PTCH2: variants seen among roughly 807,000 people sequenced by gnomAD.
PTCH2 encodes protein patched homolog 2.
A neutral mutation model predicts 117.9 loss-of-function variants in PTCH2; 96 were observed. That is an observed-to-expected ratio of 0.81 (90% CI 0.69 to 0.96). PTCH2 has a LOEUF of 0.96. PTCH2 is among the 50% of genes least tolerant of loss of function. PTCH2 has a pLI of 0.00. For synonymous variants in PTCH2, 615 were observed against 660.9 expected (o/e 0.93, Z 1.06); for missense variants, 1,379 against 1,562.5 (o/e 0.88, Z 1.98).
intron 2 of PTCH2, among the ~76,000 whole-genome samples, chr1:44,840,683 C>G (rs1210651383): frequency 6.6e-6 from 1 of 151,292 alleles, no homozygotes; most frequent in Non-Finnish European, 1.5e-5. Context: ...TAAACTCCAG[C>G]TTGGATGAGA....
Position 44,822,048 on chromosome 1 carries a change from G to A in PTCH2, c.*367C>T, listed in dbSNP as rs1304293808. 7.4e-6 allele frequency: 10 copies of A among 1,354,876 alleles called. No individual in the cohort carries two copies. The highest frequency in any genetic ancestry group is 1.4e-5 in the South Asian group (1 of 69,962). 83.9% of individuals were successfully genotyped at this position (1,354,876 alleles called of 1,614,324 possible). On this transcript the variant is annotated 3_prime_UTR_variant, in exon 22 of 22. Coordinates refer to ENST00000372192, the MANE Select transcript of PTCH2 (RefSeq NM_003738.5). ...TTTCATATAAATAATGGATGTGGTA[G>A]GAGGTGGGCAGGGATATGGAGAGCC... is the stretch of plus-strand genomic sequence containing the variant.
chr1:44,825,210 C>T (rs1653088315), intron 19 of PTCH2, among the ~76,000 whole-genome samples: 1 of 152,060 alleles, frequency 6.6e-6, no homozygotes, highest in African/African-American at 2.4e-5. Context: ...GGTCTCGGCT[C>T]ATGGCAACCT....
At chr1:44,833,679 G>A (rs1309160777) in intron 2 of PTCH2, among the ~76,000 whole-genome samples, 5 of 151,918 alleles carry the variant, frequency 3.3e-5, no homozygotes, top group East Asian at 1.9e-4. Flanking sequence ...TCACTGCAAC[G>A]TCTGTCTCCC....
chr1:44,836,510 C>A (rs1653693392), intron 2 of PTCH2, among the ~76,000 whole-genome samples: 1 of 152,128 alleles, frequency 6.6e-6, no homozygotes, highest in African/African-American at 2.4e-5. Flanking sequence ...GAGGTTGAGA[C>A]TAGCTTGGCC....
rs1652936245 is a variant in PTCH2, at chr1:44,822,182, A to G, written c.*233T>C. ...GGGGACAGGGCTGCACTGCAGCCCC[A>G]AGTGCCAGCTTTCACTCTCAAGTGA... On this transcript the variant is annotated 3_prime_UTR_variant, in exon 22 of 22. Coordinates refer to ENST00000372192, the MANE Select transcript of PTCH2 (RefSeq NM_003738.5). 1.4e-6 allele frequency: 2 copies of G among 1,434,470 alleles called. No individual in the cohort carries two copies. The highest frequency in any genetic ancestry group is 2.8e-5 in the Admixed American group (1 of 35,798). 88.9% of individuals were successfully genotyped at this position (1,434,470 alleles called of 1,614,324 possible). A position where few individuals can be genotyped will look rare whatever the true frequency, so the allele number is the denominator to read the frequency against.
At position 44,829,889 on chromosome 1, in the gene PTCH2, AC is replaced by A. The variant is rs1653354888; in HGVS notation, c.935+19del. The A allele has an allele frequency of 6.2e-7, 1 of 1,613,842 alleles. No individual in the cohort carries two copies. The highest frequency in any genetic ancestry group is 1.7e-5 in the Admixed American group (1 of 60,008). On this transcript the variant is annotated intron_variant, in intron 7 of 21. Coordinates refer to ENST00000372192, the MANE Select transcript of PTCH2 (RefSeq NM_003738.5). Reference sequence around the variant, plus strand: ...TCTCATGAACAGAGTCCCCTCACCAACTCCCAGAGGAGACCCTACCTCAGCA... The same window carrying A: ...TCTCATGAACAGAGTCCCCTCACCAATCCCAGAGGAGACCCTACCTCAGCA...
chr1:44,821,672 GTTC>G, downstream of PTCH2: 1 of 744,486 alleles, frequency 1.3e-6, no homozygotes, highest in Non-Finnish European at 1.6e-6. Flanking sequence ...ACACAGTGGG[GTTC>G]TTTTTTTTCT....
chr1:44,823,936 T>TCAAACAAACAAACAAACAAA lies in PTCH2; in HGVS notation c.3115-571_3115-552dup, dbSNP rs35297741. 1.3e-5 allele frequency among the ~76,000 whole-genome samples: 2 copies of TCAAACAAACAAACAAACAAA among 151,344 alleles called. No homozygotes were observed. The highest frequency in any genetic ancestry group is 4.9e-5 in the African/African-American group (2 of 41,022). ...CTGGGCGACAGAGTGAGACCCTGTT[T>TCAAACAAACAAACAAACAAA]CAAACAAACAAACAAACAAACAAAC... On this transcript the variant is annotated intron_variant, in intron 19 of 21. Coordinates refer to ENST00000372192, the MANE Select transcript of PTCH2 (RefSeq NM_003738.5). This position sits in a 1 kb window ranked among gnomAD's most constrained non-coding sequence, Gnocchi z 5.1.
At chr1:44,837,176 T>C (rs1653724890) in intron 2 of PTCH2, among the ~76,000 whole-genome samples, 1 of 152,156 alleles carries the variant, frequency 6.6e-6, no homozygotes, top group Non-Finnish European at 1.5e-5. Context: ...ATCAATCTTC[T>C]TTCTTCCTTC....
intron 2 of PTCH2, among the ~76,000 whole-genome samples, chr1:44,834,122 C>CCT (rs560568884): frequency 2.1e-5 from 3 of 141,014 alleles, no homozygotes; most frequent in East Asian, 2.1e-4. Flanking sequence ...AGTTCCTTCC[C>CCT]TTTTTTTTTT....
chr1:44,831,765 G>T lies in PTCH2; in HGVS notation c.558C>A (p.Leu186=). Residue 186 remains leucine, a synonymous_variant, in exon 5 of 22, where the codon CTC becomes CTA. Coordinates refer to ENST00000372192, the MANE Select transcript of PTCH2 (RefSeq NM_003738.5). The surrounding 1 kb of genome is among the most constrained non-coding windows in gnomAD (Gnocchi z 4.3). The part of the protein sequence containing the change: ...MIEKLFPCVI[L]TPLDCFWEGA... ...CCTCCCAGAAGCAGTCGAGGGGGGT[G>T]AGGATCACGCACGGAAACAGCTTCT... The T allele has an allele frequency of 6.3e-7, 1 of 1,591,156 alleles. No homozygotes were observed.
chr1:44,819,938 C>T (rs763942102), downstream of PTCH2: 7 of 153,502 alleles, frequency 4.6e-5, no homozygotes, highest in Admixed American at 1.9e-4. Flanking sequence ...AACTTTCTCT[C>T]CACGGAAATC....
chr1:44,831,774 G>A lies in PTCH2; in HGVS notation c.549C>T (p.Cys183=), dbSNP rs1270557422. The A allele has an allele frequency of 2.5e-6, 4 of 1,597,342 alleles. No homozygotes were observed. The highest frequency in any genetic ancestry group is 2.3e-5 in the East Asian group (1 of 43,894). Reference sequence around the variant, plus strand: ...AGCAGTCGAGGGGGGTGAGGATCACGCACGGAAACAGCTTCTCAATCATCT... The same window carrying A: ...AGCAGTCGAGGGGGGTGAGGATCACACACGGAAACAGCTTCTCAATCATCT... ...IERMIEKLFP[C]VILTPLDCFW... The change falls in exon 5 of 22, where the codon TGC becomes TGT. Residue 183 remains cysteine (C), a synonymous_variant. Transcript: ENST00000372192. The surrounding 1 kb of genome is among the most constrained non-coding windows in gnomAD (Gnocchi z 4.3).
chr1:44,842,177 C>G lies in PTCH2; in HGVS notation c.73-138G>C, dbSNP rs1653976069. On this transcript the variant is annotated intron_variant, in intron 1 of 21. Coordinates refer to ENST00000372192, the MANE Select transcript of PTCH2 (RefSeq NM_003738.5). The stretch of plus-strand genomic sequence containing the variant: ...GGGACAGGGAGCACCAACACAGACA[C>G]AGGCCCAGACTTGGAAGATGTAACA... 6.3e-6 allele frequency: 5 copies of G among 790,376 alleles called. No individual in the cohort carries two copies. The South Asian group carries it at 7.6e-5, about 12-fold the overall frequency. The allele number at this position is 790,376 out of a possible 1,614,324, so 49.0% of individuals were successfully genotyped here. A position where few individuals can be genotyped will look rare whatever the true frequency, so the allele number is the denominator to read the frequency against.
Position 44,828,992 on chromosome 1 carries a change from G to A in PTCH2, c.1454C>T (p.Thr485Ile). Reference protein sequence around the residue: ...AHAFTEALPGTPLQERMGECL... With the variant: ...AHAFTEALPGIPLQERMGECL... Reference sequence around the variant, plus strand: ...GGGACAAGGCCCCACCTGGAGAGGGGTGCCAGGCAGAGCCTCTGTGAAGGC... The same window carrying A: ...GGGACAAGGCCCCACCTGGAGAGGGATGCCAGGCAGAGCCTCTGTGAAGGC... The change falls in exon 11 of 22, where the codon ACC (threonine) becomes ATC (isoleucine). Residue 485 changes from threonine (T) to isoleucine (I), a missense_variant. Transcript: ENST00000372192. 2.6e-6 allele frequency: 4 copies of A among 1,558,376 alleles called. No individual in the cohort carries two copies. Among genetic ancestry groups the A allele is most frequent in the Non-Finnish European group, 3.5e-6 (4 of 1,150,766 alleles).
At position 44,823,399 on chromosome 1, in the gene PTCH2, G is replaced by A. The variant is rs1243012473; in HGVS notation, c.3115-14C>T. The A allele has an allele frequency of 6.2e-7, 1 of 1,614,146 alleles. No homozygotes were observed. Among genetic ancestry groups the A allele is most frequent in the Non-Finnish European group, 8.5e-7 (1 of 1,180,046 alleles). On this transcript the variant is annotated splice_polypyrimidine_tract_variant and intron_variant, in intron 19 of 21. Coordinates refer to ENST00000372192, the MANE Select transcript of PTCH2 (RefSeq NM_003738.5). This position sits in a 1 kb window ranked among gnomAD's most constrained non-coding sequence, Gnocchi z 5.1. ...GGTCAGGAAGCCCTAGGAAAACAGAGTGGTCCTGGAGCTGCTCCTCTGCCA... is the reference window on the plus strand; with the variant it reads ...GGTCAGGAAGCCCTAGGAAAACAGAATGGTCCTGGAGCTGCTCCTCTGCCA...
At position 44,826,375 on chromosome 1, in the gene PTCH2, C is replaced by G. The variant is rs1173495557; in HGVS notation, c.2989G>C (p.Ala997Pro). 3 of 1,614,118 alleles carry G rather than the reference C, an allele frequency of 1.9e-6. No individual in the cohort carries two copies. In the Admixed American group the frequency reaches 5.0e-5, roughly 27 times the overall value. The change falls in exon 19 of 22, where the codon GCG becomes CCG. Residue 997 changes from alanine (A) to proline (P), a missense_variant. By Grantham distance (27) the Ala-to-Pro change is conservative (BLOSUM62 -1). Transcript: ENST00000372192. This position sits in a 1 kb window ranked among gnomAD's most constrained non-coding sequence, Gnocchi z 5.1. ...WTAGLIVLVL[A>P]MMTVELFGIM... ...CCAAAGAGTTCCACTGTCATCATCG[C>G]CAGGACCAGCACCTGAGGGAGACAG... is the stretch of plus-strand genomic sequence containing the variant.
chr1:44,820,226 C>A, downstream of PTCH2: 1 of 377,038 alleles, frequency 2.7e-6, no homozygotes. Flanking sequence ...CAGGCGGCTC[C>A]GGGCTGTTCC....
At chr1:44,829,340 G>T (rs1389343406) in intron 9 of PTCH2, 28 bp from the exon 10 acceptor site, 1 of 1,613,742 alleles carries the variant, frequency 6.2e-7, no homozygotes, top group Non-Finnish European at 8.5e-7. Flanking sequence ...AGTCTCAGGG[G>T]CTCCCAGGGT....
Sources: gnomAD v4.1 joint callset for allele counts (sites outside exome capture counted in the v4.1 genomes callset) on GRCh38, gnomAD v4.1.1 for gene constraint, Gnocchi (gnomAD v3.1) non-coding constraint, MANE v1.5 for transcripts, NCBI Gene and HGNC (gene_info 2026-07-23, HGNC 2026-07-21) for gene names.